The following TPD52L1 variants were observed in gnomAD, a reference collection of about 807,000 sequenced individuals.
TPD52L1 encodes the protein tumor protein D53.
A neutral mutation model predicts 28.7 loss-of-function variants in TPD52L1; 18 were observed. The ratio of observed to expected loss-of-function variants is 0.63; its 90% CI spans 0.43 to 0.93. The LOEUF (loss-of-function observed/expected upper bound fraction) is 0.93, where lower values mean the gene tolerates loss of function less well. TPD52L1 is among the 40% of genes least tolerant of loss of function. The pLI is 0.00. For synonymous variants in TPD52L1, 75 were observed against 88.8 expected (o/e 0.84, Z 0.88); for missense variants, 203 against 254.8 (o/e 0.80, Z 1.39).
At chr6:125,226,560 T>A (rs1016869085) in intron 2 of TPD52L1, among the ~76,000 whole-genome samples, 4 of 151,954 alleles carry the variant, frequency 2.6e-5, no homozygotes, top group Admixed American at 6.6e-5. Flanking sequence ...TATTAAGGTG[T>A]TCAAGCCTCT....
intron 6 of TPD52L1, among the ~76,000 whole-genome samples, chr6:125,259,009 A>G (rs1391655710): frequency 6.6e-6 from 1 of 151,978 alleles, no homozygotes. Context: ...TTTTTTTCCC[A>G]CTAGACTAAA....
chr6:125,170,860 T>G (rs57347641), intron 1 of TPD52L1, among the ~76,000 whole-genome samples: 9,472 of 152,206 alleles, frequency 0.062, 575 homozygotes, highest in East Asian at 0.33. Flanking sequence ...GGCTCACCTA[T>G]AACCTGTGCC....
intron 4 of TPD52L1, chr6:125,252,283 C>T (rs1797318611): frequency 4.5e-6 from 2 of 441,938 alleles, no homozygotes; most frequent in South Asian, 1.2e-4. Flanking sequence ...TCTCAGGAGT[C>T]TCTTTCTCTG....
intron 1 of TPD52L1, among the ~76,000 whole-genome samples, chr6:125,180,391 A>G (rs867060723): frequency 6.6e-6 from 1 of 152,138 alleles, no homozygotes; most frequent in African/African-American, 2.4e-5. Context: ...ACCACCTCTT[A>G]TGGTCAGTTT....
intron 1 of TPD52L1, among the ~76,000 whole-genome samples, chr6:125,207,507 A>C (rs1794228269): frequency 6.6e-6 from 1 of 152,214 alleles, no homozygotes; most frequent in African/African-American, 2.4e-5. Flanking sequence ...TGGACTATCC[A>C]TTCAAATTTC....
intron 1 of TPD52L1, chr6:125,203,915 T>C: frequency 2.1e-6 from 1 of 476,972 alleles, no homozygotes; most frequent in Non-Finnish European, 2.7e-6. Context: ...AGCTGTCTTT[T>C]ACTGATATAT....
At chr6:125,173,663 C>T (rs73771252) in intron 1 of TPD52L1, among the ~76,000 whole-genome samples, 9,501 of 152,142 alleles carry the variant, frequency 0.062, 580 homozygotes, top group East Asian at 0.33. Flanking sequence ...TATATATATG[C>T]GTACATACAT....
intron 1 of TPD52L1, among the ~76,000 whole-genome samples, chr6:125,178,753 T>C (rs1011620263): frequency 1.3e-5 from 2 of 152,154 alleles, no homozygotes; most frequent in African/African-American, 4.8e-5. Flanking sequence ...TGGTTGCAGA[T>C]GATGCTACCT....
intron 1 of TPD52L1, among the ~76,000 whole-genome samples, chr6:125,216,088 T>C (rs924494535): frequency 6.6e-6 from 1 of 152,174 alleles, no homozygotes; most frequent in Non-Finnish European, 1.5e-5. Context: ...GTGCTTGGAA[T>C]TGCTGCTGAT....
At chr6:125,208,705 A>C (rs958838597) in intron 1 of TPD52L1, among the ~76,000 whole-genome samples, 2 of 152,086 alleles carry the variant, frequency 1.3e-5, no homozygotes, top group African/African-American at 4.8e-5. Flanking sequence ...AACAAAACTG[A>C]TTTTCTATCA....
intron 1 of TPD52L1, among the ~76,000 whole-genome samples, chr6:125,172,148 CTTTCTTTCT>C (rs1343796796): frequency 0.013 from 760 of 58,870 alleles, 4 homozygotes; most frequent in African/African-American, 0.05. Context: ...TTCTTTCTTT[CTTTCTTTCT>C]TTTCTTTCTT....
At chr6:125,213,956 T>C (rs1794688197) in intron 1 of TPD52L1, among the ~76,000 whole-genome samples, 1 of 152,166 alleles carries the variant, frequency 6.6e-6, no homozygotes, top group Admixed American at 6.5e-5. Context: ...TCAAACAGTG[T>C]TGAAGCACCT....
At chr6:125,199,771 A>C (rs2114892747) in intron 1 of TPD52L1, among the ~76,000 whole-genome samples, 1 of 152,374 alleles carries the variant, frequency 6.6e-6, no homozygotes, top group South Asian at 2.1e-4. Flanking sequence ...TTGAGCACTT[A>C]TAGCACAAAT....
At chr6:125,179,571 T>A (rs1339174365) in intron 1 of TPD52L1, among the ~76,000 whole-genome samples, 2 of 152,234 alleles carry the variant, frequency 1.3e-5, no homozygotes, top group Non-Finnish European at 2.9e-5. Flanking sequence ...AGATAGTCCC[T>A]TTCCCTTTGT....
intron 1 of TPD52L1, among the ~76,000 whole-genome samples, chr6:125,185,792 C>A (rs1792563503): frequency 6.6e-6 from 1 of 151,936 alleles, no homozygotes; most frequent in South Asian, 2.1e-4. Flanking sequence ...CCTCTGAAAC[C>A]TTTCTCTAGA....
At chr6:125,234,610 C>A (rs2115000416) in intron 3 of TPD52L1, among the ~76,000 whole-genome samples, 1 of 152,212 alleles carries the variant, frequency 6.6e-6, no homozygotes, top group Admixed American at 6.5e-5. Context: ...AAGTAAGAGA[C>A]CTAGCAATCT....
In TPD52L1 at chr6:125,206,697, A is replaced by G. The variant is rs2114917215; in HGVS notation, c.20-13381A>G. 1.3e-5 allele frequency among the ~76,000 whole-genome samples: 2 copies of G among 152,324 alleles called. 1 individual carries two copies. Among genetic ancestry groups the G allele is most frequent in the Middle Eastern group, 6.8e-3 (2 of 294 alleles). ...TGATTATATAAGAATTTTCAAATCT[A>G]CGCCAGAAGCAATGGAGAATCCATC... is the stretch of plus-strand genomic sequence containing the variant. On this transcript the variant is annotated intron_variant, in intron 1 of 6. Transcript: ENST00000534000.
chr6:125,220,344 A>C (rs554622379), intron 2 of TPD52L1, 151 bp downstream of exon 2: 1 of 592,158 alleles, frequency 1.7e-6, no homozygotes, highest in South Asian at 2.3e-5. Flanking sequence ...AAGATGATTC[A>C]TTTTTCCAGG....
intron 1 of TPD52L1, among the ~76,000 whole-genome samples, chr6:125,199,062 C>A (rs1793627069): frequency 6.6e-6 from 1 of 152,170 alleles, no homozygotes; most frequent in Admixed American, 6.5e-5. Flanking sequence ...ACTTAAAGGA[C>A]AAAAAGCCTA....
Sources: gnomAD v4.1 joint callset for allele counts (sites outside exome capture counted in the v4.1 genomes callset) on GRCh38, gnomAD v4.1.1 for gene constraint, MANE v1.5 for transcripts, NCBI Gene and HGNC (gene_info 2026-07-23, HGNC 2026-07-21) for gene names.